Variants in SNX29 observed in about 807,000 individuals in gnomAD.
SNX29 encodes sorting nexin 29, also known as sorting nexin-29.
A neutral mutation model predicts 102.1 loss-of-function variants in SNX29; 78 were observed. The ratio of observed to expected loss-of-function variants is 0.76; its 90% CI spans 0.64 to 0.92. The LOEUF (loss-of-function observed/expected upper bound fraction) is 0.92, where lower values mean the gene tolerates loss of function less well. SNX29 is among the 40% of genes least tolerant of loss of function. SNX29 has a pLI of 0.00. For synonymous variants in SNX29, 580 were observed against 414.5 expected, an observed-to-expected ratio of 1.40 and a Z score of -4.85; for missense variants, 1,280 against 1,061.7, an observed-to-expected ratio of 1.21 and a Z score of -2.86.
chr16:12,352,322 C>G (rs369766335), intron 15 of SNX29, among the ~76,000 whole-genome samples: 1 of 150,974 alleles, frequency 6.6e-6, no homozygotes, highest in Non-Finnish European at 1.5e-5. Flanking sequence ...ACAATGAGAA[C>G]ACATGGACAC....
chr16:12,447,722 G>A (rs771991166), intron 18 of SNX29, among the ~76,000 whole-genome samples: 1 of 152,162 alleles, frequency 6.6e-6, no homozygotes, highest in Non-Finnish European at 1.5e-5. Context: ...TTGCCAGCTC[G>A]TGTGTTATTT....
At chr16:12,031,118 G>A in intron 4 of SNX29, among the ~76,000 whole-genome samples, 1 of 152,104 alleles carries the variant, frequency 6.6e-6, no homozygotes, top group South Asian at 2.1e-4. Context: ...TGTCGCCCAG[G>A]CTAGAGTGCA....
chr16:12,199,560 CT>C, intron 13 of SNX29, 40 bp from the exon 14 acceptor site: 1 of 1,557,200 alleles, frequency 6.4e-7, no homozygotes, highest in Non-Finnish European at 8.7e-7. Context: ...CACATTGTCA[CT>C]TTTTAAATAT....
intron 16 of SNX29, among the ~76,000 whole-genome samples, chr16:12,370,529 C>G (rs946362020): frequency 2.0e-5 from 3 of 152,160 alleles, no homozygotes; most frequent in Non-Finnish European, 2.9e-5. Flanking sequence ...CATTATACTT[C>G]AGCCTGGGTG....
intron 19 of SNX29, among the ~76,000 whole-genome samples, chr16:12,481,819 G>A (rs1279542491): frequency 2.0e-5 from 3 of 152,192 alleles, no homozygotes; most frequent in African/African-American, 4.8e-5. Context: ...ACAGGTGTGA[G>A]TAACAGGAGG....
intron 15 of SNX29, among the ~76,000 whole-genome samples, chr16:12,340,884 A>C (rs1185064688): frequency 6.6e-6 from 1 of 152,098 alleles, no homozygotes; most frequent in African/African-American, 2.4e-5. Context: ...TTTGCCTTCC[A>C]TCCACTAAAG....
chr16:12,462,018 C>G (rs1445958435), intron 18 of SNX29, among the ~76,000 whole-genome samples: 16 of 59,522 alleles, frequency 2.7e-4, no homozygotes, highest in South Asian at 7.6e-4. Context: ...TATATGTATA[C>G]ACACACACAC....
chr16:12,161,709 C>T (rs1453927257), intron 13 of SNX29, among the ~76,000 whole-genome samples: 2 of 152,130 alleles, frequency 1.3e-5, no homozygotes, highest in Non-Finnish European at 2.9e-5. Flanking sequence ...AGTTCTTGCT[C>T]TATTAGTTAA....
intron 4 of SNX29, among the ~76,000 whole-genome samples, chr16:12,029,117 TTTTC>T (rs2057273149): frequency 6.6e-6 from 1 of 152,244 alleles, no homozygotes; most frequent in East Asian, 1.9e-4. Context: ...CTTTTTTTTT[TTTTC>T]TTTCTTTGGG....
intron 19 of SNX29, among the ~76,000 whole-genome samples, chr16:12,518,545 G>A (rs1325864720): frequency 6.6e-6 from 1 of 152,134 alleles, no homozygotes; most frequent in Non-Finnish European, 1.5e-5. Context: ...TCCTTGCAGT[G>A]ACACGCTCTC....
In SNX29 at chr16:12,339,869, G is replaced by GA. The variant is rs547084191; in HGVS notation, c.1783-16294_1783-16293insA. Among the ~76,000 whole-genome samples the GA allele has an allele frequency of 6.1e-3, 927 of 152,256 alleles. 9 individuals are homozygous for GA. Among genetic ancestry groups the GA allele is most frequent in the African/African-American group, 0.022 (896 of 41,544 alleles). ...AAGGATGAAATACACTCATTGGCAG[G>GA]GCCAGGGCACGTGGCCAACAGTCAG... On this transcript the variant is annotated intron_variant, in intron 15 of 20. Transcript: ENST00000566228.
chr16:12,518,213 C>T (rs1221632015), intron 19 of SNX29, among the ~76,000 whole-genome samples: 4 of 152,172 alleles, frequency 2.6e-5, no homozygotes, highest in Non-Finnish European at 5.9e-5. Context: ...TGTCCCCCAG[C>T]ATTGCTTCTC....
chr16:12,243,029 C>T (rs2078159215), intron 14 of SNX29, among the ~76,000 whole-genome samples: 1 of 152,138 alleles, frequency 6.6e-6, no homozygotes, highest in Non-Finnish European at 1.5e-5. Context: ...TGTGGAGGCT[C>T]CTGGGGAGTG....
intron 18 of SNX29, among the ~76,000 whole-genome samples, chr16:12,471,454 A>G (rs955633046): frequency 3.3e-5 from 5 of 152,180 alleles, no homozygotes; most frequent in African/African-American, 9.7e-5. Context: ...TAACTTACCT[A>G]GGATCACTTG....
intron 19 of SNX29, among the ~76,000 whole-genome samples, chr16:12,509,295 C>A (rs967349981): frequency 6.6e-6 from 1 of 152,186 alleles, no homozygotes. Context: ...GGGCACCAGG[C>A]ATGCCATCTG....
Position 12,437,496 on chromosome 16 carries a change from C to T in SNX29, c.2037+33967C>T, listed in dbSNP as rs1018286771. Among the ~76,000 whole-genome samples, 7 of 152,342 alleles carry T rather than the reference C, an allele frequency of 4.6e-5. 1 individual carries two copies. The East Asian group carries it at 1.3e-3, about 29-fold the overall frequency. On this transcript the variant is annotated intron_variant, in intron 18 of 20. Coordinates refer to ENST00000566228, the MANE Select transcript of SNX29 (RefSeq NM_032167.5). ...GGTGGCCTTTGCGGAGGACAGGTGA[C>T]ATCTGAACTGAGTCTCAGGACATAC...
intron 13 of SNX29, among the ~76,000 whole-genome samples, chr16:12,166,408 G>A (rs1188890906): frequency 6.6e-6 from 1 of 152,216 alleles, no homozygotes; most frequent in Non-Finnish European, 1.5e-5. Context: ...GGTCAGGCAA[G>A]GCTGAGCCTT....
At chr16:12,482,284 T>TTTTTCC (rs543478166) in intron 19 of SNX29, among the ~76,000 whole-genome samples, 3 of 150,754 alleles carry the variant, frequency 2.0e-5, no homozygotes, top group South Asian at 2.1e-4. Flanking sequence ...TTCTTTTTCC[T>TTTTTCC]TTTTCCTTTT....
intron 18 of SNX29, chr16:12,443,496 AGGCAGGAGTGCAGT>A (rs1168411474): frequency 6.5e-6 from 1 of 153,002 alleles, no homozygotes; most frequent in African/African-American, 2.4e-5. Flanking sequence ...TCTGTCGCCC[AGGCAGGAGTGCAGT>A]GGTGCTATCT....
Sources: gnomAD v4.1 joint callset for allele counts (sites outside exome capture counted in the v4.1 genomes callset) on GRCh38, gnomAD v4.1.1 for gene constraint, MANE v1.5 for transcripts, NCBI Gene and HGNC (gene_info 2026-07-23, HGNC 2026-07-21) for gene names.